NCOA3: variants seen among roughly 807,000 people sequenced by gnomAD.
NCOA3 encodes nuclear receptor coactivator 3, also known as CBP-interacting protein.
In NCOA3, 51 loss-of-function variants were observed where a neutral mutation model predicts 158.8. That is an observed-to-expected ratio of 0.32 (90% CI 0.26 to 0.41). The LOEUF is 0.41. NCOA3 is among the 10% of genes least tolerant of loss of function. The probability of loss-of-function intolerance (pLI) is 1.00; values close to 1 mark genes in which losing one functional copy is unlikely to be tolerated. For synonymous variants in NCOA3, 537 were observed against 592.4 expected (o/e 0.91, Z 1.36); for missense variants, 1,510 against 1,746.6 (o/e 0.86, Z 2.41).
Position 47,627,127 on chromosome 20 carries a change from A to G in NCOA3, c.483A>G (p.Leu161=), listed in dbSNP as rs555885627. The G allele has an allele frequency of 7.6e-5, 122 of 1,612,000 alleles. 1 individual carries two copies. In the South Asian group the frequency reaches 1.1e-3, roughly 14 times the overall value. Residue 161 remains leucine (L), a synonymous_variant, in exon 6 of 23, where the codon TTA becomes TTG. Transcript: ENST00000371998. ...DLVNTSVYNI[L]HEEDRKDFLK... The stretch of plus-strand genomic sequence containing the variant: ...TTAACACAAGTGTTTACAATATCTT[A>G]CATGAAGAAGACAGAAAGGATTTTC...
At chr20:47,647,893 TTTTG>T (rs144891646) in intron 18 of NCOA3, among the ~76,000 whole-genome samples, 31,181 of 147,572 alleles carry the variant, frequency 0.21, 4,519 homozygotes, top group East Asian at 0.54. Context: ...GAGGTTTTTT[TTTTG>T]TTTGTTTGTT....
rs142499843 is a variant in NCOA3, at chr20:47,535,930, C to T, written c.-99+33911C>T. ...GCTGCCCAGCAGCTGGACTCTACTC[C>T]GACCACCCCCTATCAAATTCTGCAT... On this transcript the variant is annotated intron_variant, in intron 1 of 22. Transcript: ENST00000371998. Among the ~76,000 whole-genome samples, 207 of 152,232 alleles carry T rather than the reference C, an allele frequency of 1.4e-3. 4 individuals carry two copies. In the East Asian group the frequency reaches 0.026, roughly 19 times the overall value.
chr20:47,544,036 T>G (rs1262341194), intron 1 of NCOA3, among the ~76,000 whole-genome samples: 1 of 152,210 alleles, frequency 6.6e-6, no homozygotes, highest in Non-Finnish European at 1.5e-5. Context: ...AGAGTTTTCC[T>G]GTGTACTCCA....
intron 2 of NCOA3, 45 bp from the exon 3 acceptor site, chr20:47,622,184 A>G (rs2146297516): frequency 9.6e-7 from 1 of 1,040,938 alleles, no homozygotes; most frequent in South Asian, 1.4e-5. Flanking sequence ...AGAGTCATGT[A>G]TATTTTTTAA....
chr20:47,554,503 G>T (rs576577706), intron 1 of NCOA3, among the ~76,000 whole-genome samples: 124 of 151,962 alleles, frequency 8.2e-4, no homozygotes, highest in Non-Finnish European at 1.4e-3. Flanking sequence ...AAGCACTTCA[G>T]CAAAGTCTCA....
chr20:47,513,337 G>A (rs1419657042), intron 1 of NCOA3, among the ~76,000 whole-genome samples: 1 of 152,022 alleles, frequency 6.6e-6, no homozygotes, highest in Non-Finnish European at 1.5e-5. Context: ...ATACATATGA[G>A]GATATTTACT....
At chr20:47,574,351 A>G (rs2085340563) in intron 1 of NCOA3, among the ~76,000 whole-genome samples, 1 of 152,214 alleles carries the variant, frequency 6.6e-6, no homozygotes, top group Admixed American at 6.5e-5. Context: ...TATTTTATCA[A>G]TGAATTGAAA....
chr20:47,517,486 TGTCGCCCAGGC>T (rs1342758168), intron 1 of NCOA3, among the ~76,000 whole-genome samples: 6 of 149,062 alleles, frequency 4.0e-5, no homozygotes, highest in African/African-American at 1.5e-4. Flanking sequence ...AGTCTTGCTC[TGTCGCCCAGGC>T]TGGAGTGCAG....
chr20:47,504,009 T>C (rs1216189183), intron 1 of NCOA3, among the ~76,000 whole-genome samples: 2 of 152,194 alleles, frequency 1.3e-5, no homozygotes, highest in African/African-American at 4.8e-5. Context: ...CGGGAGGCTG[T>C]AATATTTCTA....
chr20:47,598,362 G>A (rs2085799062), intron 2 of NCOA3, among the ~76,000 whole-genome samples: 1 of 151,912 alleles, frequency 6.6e-6, no homozygotes, highest in Non-Finnish European at 1.5e-5. Context: ...TTGAGATGGA[G>A]TTTCGCTCTG....
chr20:47,573,871 T>G (rs2085333020), intron 1 of NCOA3, among the ~76,000 whole-genome samples: 1 of 152,214 alleles, frequency 6.6e-6, no homozygotes. Flanking sequence ...GTTGCCTTCC[T>G]TTTCCTAAAA....
chr20:47,518,863 C>T (rs1296500890), intron 1 of NCOA3, among the ~76,000 whole-genome samples: 3 of 151,980 alleles, frequency 2.0e-5, no homozygotes, highest in Admixed American at 6.6e-5. Flanking sequence ...ATGACTGGTG[C>T]GGTGGCTCAC....
At chr20:47,576,528 C>T (rs1473111261) in intron 1 of NCOA3, among the ~76,000 whole-genome samples, 1 of 152,156 alleles carries the variant, frequency 6.6e-6, no homozygotes, top group South Asian at 2.1e-4. Flanking sequence ...CATTTCTCCC[C>T]TCAAACACCT....
intron 8 of NCOA3, 98 bp from the exon 9 acceptor site, chr20:47,633,398 A>G: frequency 8.5e-7 from 1 of 1,170,244 alleles, no homozygotes; most frequent in Non-Finnish European, 1.2e-6. Flanking sequence ...AAGATTTAAT[A>G]TCTTTTATTT....
intron 1 of NCOA3, among the ~76,000 whole-genome samples, chr20:47,567,172 C>T (rs113494814): frequency 0.064 from 9,652 of 151,596 alleles, 466 homozygotes; most frequent in Middle Eastern, 0.17. Flanking sequence ...CTCAGCCTCC[C>T]GAGTAGCTGG....
At chr20:47,521,915 T>C (rs975096844) in intron 1 of NCOA3, among the ~76,000 whole-genome samples, 26 of 152,180 alleles carry the variant, frequency 1.7e-4, no homozygotes, top group Non-Finnish European at 1.5e-5. Flanking sequence ...AATCAGCTTA[T>C]TTCTGTGAAA....
chr20:47,521,223 G>A, intron 1 of NCOA3, among the ~76,000 whole-genome samples: 1 of 152,336 alleles, frequency 6.6e-6, no homozygotes, highest in East Asian at 1.9e-4. Flanking sequence ...AGGGGGCGGG[G>A]TGCACCTCCT....
At chr20:47,594,690 A>AAAAAAAAAC in intron 2 of NCOA3, among the ~76,000 whole-genome samples, 1 of 138,962 alleles carries the variant, frequency 7.2e-6, no homozygotes, top group Non-Finnish European at 1.6e-5. Context: ...AAAAAAAAAA[A>AAAAAAAAAC]AAAAAGAGAA....
intron 2 of NCOA3, among the ~76,000 whole-genome samples, chr20:47,614,569 C>T (rs2086101737): frequency 6.6e-6 from 1 of 152,150 alleles, no homozygotes; most frequent in Non-Finnish European, 1.5e-5. Flanking sequence ...GGGAAACAAG[C>T]CTGACAGATA....
Sources: allele counts gnomAD v4.1 joint callset (sites outside exome capture counted in the v4.1 genomes callset), GRCh38; gene constraint gnomAD v4.1.1; transcripts MANE v1.5; gene names NCBI Gene and HGNC (gene_info 2026-07-23, HGNC 2026-07-21).